Variants in FGFR3 observed in about 807,000 individuals in gnomAD.
FGFR3 encodes FGFR-3.
A neutral mutation model predicts 82.9 loss-of-function variants in FGFR3; 25 were observed. That is an observed-to-expected ratio of 0.30 (90% CI 0.22 to 0.42). The LOEUF (loss-of-function observed/expected upper bound fraction) is 0.42, where lower values mean the gene tolerates loss of function less well. Ranked by LOEUF, FGFR3 falls within the 10% of genes least tolerant of loss-of-function variation. FGFR3 has a pLI of 1.00. For missense variants in FGFR3, 1,026 were observed against 1,161.0 expected (o/e 0.88, Z 1.69); for synonymous variants, 620 against 516.0 (o/e 1.20, Z -2.73).
At chr4:1,801,296 G>A in intron 4 of FGFR3, 71 bp from the exon 5 acceptor site, 1 of 1,499,584 alleles carries the variant, frequency 6.7e-7, no homozygotes, top group Non-Finnish European at 9.0e-7. Context: ...GGCAGCTCTG[G>A]GAAGGGGGTT....
At position 1,804,375 on chromosome 4, in the gene FGFR3, C is replaced by G. The variant is rs2108796824; in HGVS notation, c.1121C>G (p.Ala374Gly). The G allele has an allele frequency of 1.4e-5, 22 of 1,612,740 alleles. No individual in the cohort carries two copies. The highest frequency in any genetic ancestry group is 1.9e-5 in the Non-Finnish European group (22 of 1,179,604). ...GCTGACGAGGCGGGCAGTGTGTATGCAGGCATCCTCAGCTACGGGGTGGGC... is the reference window on the plus strand; with the variant it reads ...GCTGACGAGGCGGGCAGTGTGTATGGAGGCATCCTCAGCTACGGGGTGGGC... ...VEADEAGSVY[A>G]GILSYGVGFF... The change falls in exon 9 of 18, where the codon GCA becomes GGA. Residue 374 changes from alanine (A) to glycine (G), a missense_variant. Coordinates refer to ENST00000440486, the MANE Select transcript of FGFR3 (RefSeq NM_000142.5).
At chr4:1,803,191 G>A (rs931611139) in intron 7 of FGFR3, 62 of 1,165,314 alleles carry the variant, frequency 5.3e-5, no homozygotes, top group African/African-American at 1.5e-4. Flanking sequence ...ACTCGGGGCC[G>A]CCTCGGCAAG....
chr4:1,796,188 C>G (rs919699611), intron 2 of FGFR3, among the ~76,000 whole-genome samples: 2 of 152,156 alleles, frequency 1.3e-5, no homozygotes, highest in African/African-American at 4.8e-5. Flanking sequence ...TCAGCCTGGA[C>G]CTCTAGGCTG....
chr4:1,798,638 C>T (rs1244620605), intron 2 of FGFR3, among the ~76,000 whole-genome samples: 2 of 136,804 alleles, frequency 1.5e-5, no homozygotes, highest in South Asian at 2.1e-4. Context: ...CCCTGCACCT[C>T]CTTCCTTCTC....
chr4:1,796,455 A>G (rs1288957202), intron 2 of FGFR3, among the ~76,000 whole-genome samples: 1 of 152,128 alleles, frequency 6.6e-6, no homozygotes, highest in East Asian at 1.9e-4. Context: ...TGTACCCCAG[A>G]GAGCTGCAGA....
rs1722086525 is a variant in FGFR3, at chr4:1,807,388, TGTGTGTGTGTGC to T, written c.*138_*149del. ...CAGCTACACAGAGCTTTGGTCTGTG[TGTGTGTGTGTGC>T]GTGTGTGTGTGTGTGTGTGCACATC... On this transcript the variant is annotated 3_prime_UTR_variant, in exon 18 of 18. Coordinates refer to ENST00000440486, the MANE Select transcript of FGFR3 (RefSeq NM_000142.5). The T allele has an allele frequency of 4.1e-6, 5 of 1,226,438 alleles. No homozygotes were observed. Among genetic ancestry groups the T allele is most frequent in the Non-Finnish European group, 5.5e-6 (5 of 909,824 alleles). The allele number at this position is 1,226,438 out of a possible 1,614,324, so 76.0% of individuals were successfully genotyped here.
intron 3 of FGFR3, 30 bp from the exon 4 acceptor site, chr4:1,799,717 G>A (rs746187655): frequency 1.2e-6 from 2 of 1,611,992 alleles, no homozygotes; most frequent in Admixed American, 1.7e-5. Context: ...GGCAGGTTGG[G>A]CATTGGTTGC....
At chr4:1,804,600 T>C in intron 9 of FGFR3, 80 bp downstream of exon 9, 2 of 1,572,604 alleles carry the variant, frequency 1.3e-6, no homozygotes, top group Non-Finnish European at 1.7e-6. Flanking sequence ...ACGCTGGTCC[T>C]GGGCTGTGTG....
chr4:1,800,846 C>T (rs967805532), intron 4 of FGFR3, among the ~76,000 whole-genome samples: 3 of 152,196 alleles, frequency 2.0e-5, no homozygotes, highest in Non-Finnish European at 2.9e-5. Flanking sequence ...GGAGGCAGGG[C>T]CTCCAGGGTG....
Position 1,794,036 on chromosome 4 carries a change from A to G in FGFR3, c.102A>G (p.Arg34=). Residue 34 remains arginine (R), a synonymous_variant, in exon 2 of 18, where the codon CGA becomes CGG. Coordinates refer to ENST00000440486, the MANE Select transcript of FGFR3 (RefSeq NM_000142.5). ...GGACGGAGCAGCGCGTCGTGGGGCG[A>G]GCGGCAGGTAAGAAGGGACCCACTA... is the stretch of plus-strand genomic sequence containing the variant. ...SLGTEQRVVG[R]AAEVPGPEPG... is the part of the protein sequence containing the mutation. 1 of 1,405,068 alleles carries G rather than the reference A, an allele frequency of 7.1e-7. No homozygotes were observed. The highest frequency in any genetic ancestry group is 1.6e-5 in the South Asian group (1 of 62,658). 87.0% of individuals were successfully genotyped at this position (1,405,068 alleles called of 1,614,324 possible). A position where few individuals can be genotyped will look rare whatever the true frequency, so the allele number is the denominator to read the frequency against.
intron 2 of FGFR3, among the ~76,000 whole-genome samples, chr4:1,795,030 G>A (rs1472489613): frequency 1.3e-5 from 2 of 151,710 alleles, no homozygotes; most frequent in African/African-American, 4.8e-5. Context: ...GAGGGCGCCT[G>A]GAGGGCCGAG....
chr4:1,803,125 C>T (rs1051975561), intron 7 of FGFR3: 46 of 1,436,556 alleles, frequency 3.2e-5, no homozygotes, highest in African/African-American at 1.0e-4. Context: ...CCTGGCCGCG[C>T]GCCCTGCACG....
intron 7 of FGFR3, 101 bp from the exon 8 acceptor site, chr4:1,803,591 C>T (rs1207668314): frequency 9.8e-6 from 15 of 1,525,022 alleles, no homozygotes; most frequent in African/African-American, 5.5e-5. Flanking sequence ...TTGGTGGTGG[C>T]GGCGTTTTCC....
chr4:1,803,941 T>TCCCGCTTCTTGAGCCCTCACTCCTGG (rs1363974893), intron 8 of FGFR3, 105 bp downstream of exon 8: 3 of 1,285,210 alleles, frequency 2.3e-6, no homozygotes, highest in Non-Finnish European at 3.4e-6. Context: ...CTTACGGCCG[T>TCCCGCTTCTTGAGCCCTCACTCCTGG]CCCGCTTCTT....
At chr4:1,805,982 G>T (rs777464212) in intron 13 of FGFR3, 42 bp downstream of exon 13, 4 of 1,610,342 alleles carry the variant, frequency 2.5e-6, no homozygotes, top group East Asian at 2.2e-5. Flanking sequence ...GCTGGGCCCT[G>T]CCCTGAGATG....
intron 2 of FGFR3, among the ~76,000 whole-genome samples, chr4:1,794,306 C>T (rs1391679881): frequency 1.3e-5 from 2 of 152,248 alleles, no homozygotes. Context: ...GCCCCGATCC[C>T]CTGCGACTCC....
Position 1,801,257 on chromosome 4 carries a change from A to G in FGFR3, c.446-110A>G, listed in dbSNP as rs368552519. 9.7e-5 allele frequency: 119 copies of G among 1,232,952 alleles called. No individual in the cohort carries two copies. The South Asian group carries it at 1.4e-3, about 14-fold the overall frequency. The allele number at this position is 1,232,952 out of a possible 1,614,324, so 76.4% of individuals were successfully genotyped here. A position where few individuals can be genotyped will look rare whatever the true frequency, so the allele number is the denominator to read the frequency against. On this transcript the variant is annotated intron_variant, in intron 4 of 17. Coordinates refer to ENST00000440486, the MANE Select transcript of FGFR3 (RefSeq NM_000142.5). ...TCATCCCGCCCTCTTCCTACACAGG[A>G]CGGGAAACTGAGGCTGGGGATGGGC...
At position 1,804,362 on chromosome 4, in the gene FGFR3, G is replaced by A. The variant is rs121913479; in HGVS notation, c.1108G>A (p.Gly370Ser). 8.7e-6 allele frequency: 14 copies of A among 1,611,968 alleles called. No individual in the cohort carries two copies. Among genetic ancestry groups the A allele is most frequent in the Non-Finnish European group, 1.2e-5 (14 of 1,179,284 alleles). ...EEELVEADEA[G>S]SVYAGILSYG... is the part of the protein sequence containing the mutation. ...GGAGCTGGTGGAGGCTGACGAGGCG[G>A]GCAGTGTGTATGCAGGCATCCTCAG... Residue 370 changes from glycine to serine, a missense_variant, in exon 9 of 18, where the codon GGC becomes AGC. Around this residue, in one of 9 missense-constraint regions of FGFR3, gnomAD observed 256 missense variants for 217.6 expected, o/e 1.18. Coordinates refer to ENST00000440486, the MANE Select transcript of FGFR3 (RefSeq NM_000142.5).
intron 4 of FGFR3, 137 bp from the exon 5 acceptor site, chr4:1,801,230 C>A: frequency 1.0e-6 from 1 of 982,778 alleles, no homozygotes; most frequent in South Asian, 1.5e-5. Context: ...CTCCTGGGAA[C>A]CTCATCCCGC....
Sources: gnomAD v4.1 joint callset for allele counts (sites outside exome capture counted in the v4.1 genomes callset) on GRCh38, gnomAD v4.1.1 for gene constraint, gnomAD v4.1.1 regional missense constraint, MANE v1.5 for transcripts, NCBI Gene and HGNC (gene_info 2026-07-23, HGNC 2026-07-21) for gene names.